Variants in MICU3 observed in about 807,000 individuals in gnomAD.
The protein encoded by MICU3 is calcium uptake protein 3, mitochondrial.
A neutral mutation model predicts 66.5 loss-of-function variants in MICU3; 62 were observed. The ratio of observed to expected loss-of-function variants is 0.93; its 90% CI spans 0.76 to 1.15. The LOEUF is 1.15. Ranked by LOEUF, MICU3 falls within the 50% of genes most tolerant of loss-of-function variation. The pLI is 0.00. For synonymous variants in MICU3, 308 were observed against 240.7 expected (o/e 1.28, Z -2.59); for missense variants, 779 against 664.4 (o/e 1.17, Z -1.90).
At chr8:17,080,050 C>G (rs938098970) in intron 4 of MICU3, among the ~76,000 whole-genome samples, 6 of 151,450 alleles carry the variant, frequency 4.0e-5, no homozygotes, top group Non-Finnish European at 7.4e-5. Context: ...TCCTCTGTTT[C>G]TAAAGATCAC....
chr8:17,075,094 A>G (rs1295389821), intron 3 of MICU3, among the ~76,000 whole-genome samples: 1 of 152,112 alleles, frequency 6.6e-6, no homozygotes. Context: ...TATTAGATAG[A>G]ATACAGAGTA....
At position 17,085,108 on chromosome 8, in the gene MICU3, A is replaced by G. The variant is rs373742559; in HGVS notation, c.695-128A>G. 4.5e-5 allele frequency: 23 copies of G among 516,604 alleles called. No individual in the cohort carries two copies. The East Asian group carries it at 4.9e-4, about 11-fold the overall frequency. The allele number at this position is 516,604 out of a possible 1,614,324, so 32.0% of individuals were successfully genotyped here. A position where few individuals can be genotyped will look rare whatever the true frequency, so the allele number is the denominator to read the frequency against. On this transcript the variant is annotated intron_variant, in intron 5 of 14. Transcript: ENST00000318063. ...TACTAATTATAAAGCAGAAATATAT[A>G]TACTTTTATACGCTTTCTACTATCT... is the stretch of plus-strand genomic sequence containing the variant.
Position 17,090,551 on chromosome 8 carries a change from T to C in MICU3, c.855T>C (p.Leu285=). ...CCCTTTGTGCTCTATGTCAGCGTCT[T>C]CAACTTTATGGATACCATTCTCCTA... ...GDEEKRAMLR[L]QLYGYHSPTN... The change falls in exon 8 of 15, where the codon CTT becomes CTC. Residue 285 remains leucine, a synonymous_variant. Coordinates refer to ENST00000318063, the MANE Select transcript of MICU3 (RefSeq NM_181723.3). 6.2e-7 allele frequency: 1 copy of C among 1,611,656 alleles called. No homozygotes were observed. The highest frequency in any genetic ancestry group is 1.7e-5 in the Admixed American group (1 of 59,794).
intron 2 of MICU3, among the ~76,000 whole-genome samples, chr8:17,068,404 A>G (rs985329937): frequency 6.6e-6 from 1 of 152,204 alleles, no homozygotes; most frequent in African/African-American, 2.4e-5. Context: ...CCTTCTGAGC[A>G]TTGCATAAGA....
At chr8:17,104,560 G>C in intron 10 of MICU3, 69 bp downstream of exon 10, 2 of 762,718 alleles carry the variant, frequency 2.6e-6, no homozygotes, top group Non-Finnish European at 3.9e-6. Flanking sequence ...TTTAGAAATT[G>C]TCTAGTACAG....
At chr8:17,111,822 C>T (rs956181467) in intron 11 of MICU3, among the ~76,000 whole-genome samples, 2 of 152,134 alleles carry the variant, frequency 1.3e-5, no homozygotes, top group Non-Finnish European at 2.9e-5. Context: ...TTCACTTTCA[C>T]ACTGCTATAA....
chr8:17,127,679 A>C, the MICU3 span, among the ~76,000 whole-genome samples: 2 of 152,320 alleles, frequency 1.3e-5, 1 homozygote, highest in Admixed American at 1.3e-4. Context: ...TTAGTAATTC[A>C]GATAGAGATA....
intron 2 of MICU3, 73 bp downstream of exon 2, chr8:17,064,310 G>C: frequency 8.2e-7 from 1 of 1,216,124 alleles, no homozygotes; most frequent in Non-Finnish European, 1.1e-6. Flanking sequence ...GGATGGAGCA[G>C]TATAAGTTTT....
chr8:17,038,747 A>G (rs1813497986), intron 1 of MICU3, among the ~76,000 whole-genome samples: 1 of 152,120 alleles, frequency 6.6e-6, no homozygotes, highest in Admixed American at 6.5e-5. Flanking sequence ...AGGTCAGGAG[A>G]TTGATACCAT....
chr8:17,090,746 T>G (rs956092889), intron 8 of MICU3, 162 bp downstream of exon 8: 2 of 486,000 alleles, frequency 4.1e-6, no homozygotes, highest in African/African-American at 2.0e-5. Flanking sequence ...TTACATTTCA[T>G]TCCTAGATTT....
At chr8:17,137,538 A>G in the MICU3 span, among the ~76,000 whole-genome samples, 4,538 of 139,276 alleles carry the variant, frequency 0.033, 106 homozygotes, top group Non-Finnish European at 0.047. Context: ...AAAAAAAAAA[A>G]GGGGGCCCTG....
At chr8:17,106,656 G>T (rs921604454) in intron 11 of MICU3, among the ~76,000 whole-genome samples, 1 of 151,204 alleles carries the variant, frequency 6.6e-6, no homozygotes, top group African/African-American at 2.4e-5. Flanking sequence ...ATTTCTAGAA[G>T]TATCTTAAGC....
intron 7 of MICU3, among the ~76,000 whole-genome samples, chr8:17,089,377 T>C (rs1367630945): frequency 2.0e-5 from 3 of 152,082 alleles, no homozygotes; most frequent in African/African-American, 7.2e-5. Context: ...GAGGTTTTAT[T>C]TTATATTACT....
At chr8:17,079,217 T>C (rs1216298883) in intron 4 of MICU3, among the ~76,000 whole-genome samples, 2 of 121,678 alleles carry the variant, frequency 1.6e-5, no homozygotes, top group Non-Finnish European at 3.4e-5. Flanking sequence ...GTTTCTATGC[T>C]GTCTCTTATG....
intron 7 of MICU3, 98 bp downstream of exon 7, chr8:17,087,133 G>C (rs1799560304): frequency 1.2e-6 from 1 of 819,698 alleles, no homozygotes; most frequent in African/African-American, 1.8e-5. Context: ...CTTTGAAGCT[G>C]TCCCTTTCTT....
At chr8:17,090,672 T>G (rs753501299) in intron 8 of MICU3, 88 bp downstream of exon 8, 88 of 984,278 alleles carry the variant, frequency 8.9e-5, no homozygotes, top group Non-Finnish European at 1.3e-4. Flanking sequence ...AAGCTATATC[T>G]GCTGTTTACT....
the MICU3 span, chr8:17,134,198 A>G: frequency 6.6e-6 from 1 of 152,200 alleles, no homozygotes; most frequent in African/African-American, 2.4e-5. Context: ...AAATCGGCAC[A>G]TGTGATTATG....
chr8:17,097,710 G>C (rs868474817), intron 8 of MICU3, among the ~76,000 whole-genome samples: 23 of 151,646 alleles, frequency 1.5e-4, no homozygotes, highest in Admixed American at 4.6e-4. Flanking sequence ...AATCCTGACA[G>C]AAACTGGGTT....
chr8:17,115,736 A>G (rs1464736701), intron 12 of MICU3, among the ~76,000 whole-genome samples: 2 of 152,116 alleles, frequency 1.3e-5, no homozygotes, highest in Non-Finnish European at 2.9e-5. Context: ...AAAACTCTTA[A>G]GTTTTCCAAT....
Sources: gnomAD v4.1 joint callset for allele counts (sites outside exome capture counted in the v4.1 genomes callset) on GRCh38, gnomAD v4.1.1 for gene constraint, MANE v1.5 for transcripts, NCBI Gene and HGNC (gene_info 2026-07-23, HGNC 2026-07-21) for gene names.